The following LAT variants were observed in gnomAD, a reference collection of about 807,000 sequenced individuals.
The protein encoded by LAT is linker for activation of T cells.
LAT carries 12 observed loss-of-function variants against 39.1 expected under a neutral mutation model. That is an observed-to-expected ratio of 0.31 (90% CI 0.20 to 0.50). The LOEUF (loss-of-function observed/expected upper bound fraction) is 0.50, where lower values mean the gene tolerates loss of function less well. LAT is among the 20% of genes least tolerant of loss of function. The pLI is 0.98. For missense variants in LAT, 253 were observed against 308.0 expected (o/e 0.82, Z 1.34); for synonymous variants, 117 against 123.8 (o/e 0.95, Z 0.36).
intron 8 of LAT, chr16:28,989,123 T>A (rs992667141): frequency 1.6e-5 from 2 of 127,086 alleles, no homozygotes; most frequent in Non-Finnish European, 3.0e-5. Flanking sequence ...GGGATGGGGG[T>A]CGGGGGGAGG....
chr16:28,984,956 C>T (rs1965706672), upstream of LAT: 1 of 1,487,886 alleles, frequency 6.7e-7, no homozygotes, highest in Non-Finnish European at 8.9e-7. Context: ...TCCCGGGCCT[C>T]CTCCTGCCCC....
chr16:28,989,724 C>A, intron 9 of LAT, 50 bp from the exon 10 acceptor site: 3 of 1,607,502 alleles, frequency 1.9e-6, no homozygotes, highest in Non-Finnish European at 2.6e-6. Context: ...GCTCTCTCGC[C>A]CTCCTGACCC....
At position 28,986,291 on chromosome 16, in the gene LAT, C is replaced by T; in HGVS notation, c.245+75C>T. On this transcript the variant is annotated intron_variant, in intron 4 of 11. Transcript: ENST00000395456. This position sits in a 1 kb window ranked among gnomAD's most constrained non-coding sequence, Gnocchi z 5.7. ...CCAAACTCCACTCTCTACCCCTTCA[C>T]TTTTTTGGATTGGGGGCCCCTTTCC... 1 of 1,568,984 alleles carries T rather than the reference C, an allele frequency of 6.4e-7. No homozygotes were observed. Among genetic ancestry groups the T allele is most frequent in the South Asian group, 1.1e-5 (1 of 89,022 alleles).
In LAT at chr16:28,986,458, G is replaced by C; in HGVS notation, c.310+12G>C. ...GGATTCTGATGGTGGTAAGTGTGGGGAAGGGTTCAGGCGGCGGGGGCTGGG... is the reference window on the plus strand; with the variant it reads ...GGATTCTGATGGTGGTAAGTGTGGGCAAGGGTTCAGGCGGCGGGGGCTGGG... On this transcript the variant is annotated intron_variant, in intron 5 of 11. Coordinates refer to ENST00000395456, the MANE Select transcript of LAT (RefSeq NM_001014987.2). The surrounding 1 kb of genome is among the most constrained non-coding windows in gnomAD (Gnocchi z 5.7). 1.2e-6 allele frequency: 2 copies of C among 1,613,954 alleles called. No homozygotes were observed. The highest frequency in any genetic ancestry group is 1.7e-6 in the Non-Finnish European group (2 of 1,179,942).
At chr16:28,990,040 C>T in intron 11 of LAT, 21 bp downstream of exon 11, 2 of 1,591,234 alleles carry the variant, frequency 1.3e-6, no homozygotes, top group Non-Finnish European at 1.7e-6. Flanking sequence ...TGCCCTGTCC[C>T]CACCCTGCCC....
At chr16:28,989,265 C>T (rs1047589477) in intron 8 of LAT, 1 of 478,066 alleles carries the variant, frequency 2.1e-6, no homozygotes. Flanking sequence ...GTGAGCTCTC[C>T]TCAGTCCCAG....
Position 28,985,156 on chromosome 16 carries a change from A to G in LAT, c.-262A>G, listed in dbSNP as rs1015886040. 1.1e-4 allele frequency: 152 copies of G among 1,425,952 alleles called. 1 individual carries two copies. The African/African-American group carries it at 2.1e-3, about 20-fold the overall frequency. The allele number at this position is 1,425,952 out of a possible 1,614,324, so 88.3% of individuals were successfully genotyped here. On this transcript the variant is annotated 5_prime_UTR_variant, in exon 1 of 12. Coordinates refer to ENST00000395456, the MANE Select transcript of LAT (RefSeq NM_001014987.2). This position sits in a 1 kb window ranked among gnomAD's most constrained non-coding sequence, Gnocchi z 4.6. ...AGGGGTAACTGGATCCCCCGACTTCAGCCCAGGCCCTGGTCTGACCACCCT... is the reference window on the plus strand; with the variant it reads ...AGGGGTAACTGGATCCCCCGACTTCGGCCCAGGCCCTGGTCTGACCACCCT...
At chr16:28,990,149 C>A (rs761347703) in intron 11 of LAT, 40 bp from the exon 12 acceptor site, 1 of 760,306 alleles carries the variant, frequency 1.3e-6, no homozygotes, top group Non-Finnish European at 2.3e-6. Flanking sequence ...ACCCCGTCAG[C>A]CTCCTGATCC....
rs767284445 is a variant in LAT, at chr16:28,985,679, CCT to C, written c.101-33_101-32del. On this transcript the variant is annotated intron_variant, in intron 1 of 11. Coordinates refer to ENST00000395456, the MANE Select transcript of LAT (RefSeq NM_001014987.2). This position sits in a 1 kb window ranked among gnomAD's most constrained non-coding sequence, Gnocchi z 4.6. ...CCAGCACCTTCTGCCCTAAGCACCC[CCT>C]GTTCCTGCCTCACCAGCCCTCTCTT... 1.9e-6 allele frequency: 3 copies of C among 1,613,628 alleles called. No individual in the cohort carries two copies. Among genetic ancestry groups the C allele is most frequent in the South Asian group, 2.2e-5 (2 of 91,068 alleles).
At position 28,985,582 on chromosome 16, in the gene LAT, C is replaced by T. The variant is rs1596766500; in HGVS notation, c.100+65C>T. 1 of 1,601,654 alleles carries T rather than the reference C, an allele frequency of 6.2e-7. No individual in the cohort carries two copies. Among genetic ancestry groups the T allele is most frequent in the Non-Finnish European group, 8.5e-7 (1 of 1,170,644 alleles). ...CACCGACGGGATCCTCATCCACTCC[C>T]AGCCCCTGTGTCTGTCCTGGCTCTG... On this transcript the variant is annotated intron_variant, in intron 1 of 11. Transcript: ENST00000395456. This position sits in a 1 kb window ranked among gnomAD's most constrained non-coding sequence, Gnocchi z 4.6.
chr16:28,989,377 C>T (rs1035661540), intron 8 of LAT, 150 bp from the exon 9 acceptor site: 2 of 668,192 alleles, frequency 3.0e-6, no homozygotes, highest in African/African-American at 3.6e-5. Context: ...CCCCTCTCTT[C>T]ATTCTGTGGG....
In LAT at chr16:28,989,031, C is replaced by T. The variant is rs998090912; in HGVS notation, c.494-496C>T. Reference sequence around the variant, plus strand: ...AAAAACAAAAACAAACAAAAAGCTCCCAAATAACATGGATGGTGACAGGCG... The same window carrying T: ...AAAAACAAAAACAAACAAAAAGCTCTCAAATAACATGGATGGTGACAGGCG... On this transcript the variant is annotated intron_variant, in intron 8 of 11. Coordinates refer to ENST00000395456, the MANE Select transcript of LAT (RefSeq NM_001014987.2). The T allele has an allele frequency of 3.2e-5, 5 of 155,076 alleles. 1 individual carries two copies. Among genetic ancestry groups the T allele is most frequent in the Admixed American group, 1.3e-4 (2 of 15,372 alleles). The allele number at this position is 155,076 out of a possible 1,614,324, so 9.6% of individuals were successfully genotyped here.
chr16:28,985,343 C>T lies in LAT; in HGVS notation c.-75C>T, dbSNP rs2141683489. ...CTCCCTGCCGGGTCCGGTCCTCACC[C>T]CATCTTCATCTGGCCTTGACTCTGC... On this transcript the variant is annotated 5_prime_UTR_variant, in exon 1 of 12. Coordinates refer to ENST00000395456, the MANE Select transcript of LAT (RefSeq NM_001014987.2). This position sits in a 1 kb window ranked among gnomAD's most constrained non-coding sequence, Gnocchi z 4.6. The T allele has an allele frequency of 6.3e-7, 1 of 1,595,866 alleles. No homozygotes were observed. Among genetic ancestry groups the T allele is most frequent in the Non-Finnish European group, 8.5e-7 (1 of 1,170,946 alleles).
In LAT at chr16:28,986,915, A is replaced by ATTTTTAAATTT. The variant is rs746277119; in HGVS notation, c.493+27_493+37dup. On this transcript the variant is annotated intron_variant, in intron 8 of 11. Transcript: ENST00000395456. This position sits in a 1 kb window ranked among gnomAD's most constrained non-coding sequence, Gnocchi z 5.7. ...TCCAGTGAGTCAGGCATTTGTTTTT[A>ATTTTTAAATTT]TTTTTAAATTTTTTTAGGGATAGGC... The ATTTTTAAATTT allele has an allele frequency of 6.2e-7, 1 of 1,603,462 alleles. No homozygotes were observed. Among genetic ancestry groups the ATTTTTAAATTT allele is most frequent in the Non-Finnish European group, 8.5e-7 (1 of 1,173,240 alleles).
At position 28,985,716 on chromosome 16, in the gene LAT, C is replaced by G; in HGVS notation, c.104C>G (p.Ser35Cys). 1 of 1,613,978 alleles carries G rather than the reference C, an allele frequency of 6.2e-7. No individual in the cohort carries two copies. The highest frequency in any genetic ancestry group is 2.2e-5 in the East Asian group (1 of 44,878). The change falls in exon 2 of 12, where the codon TCC becomes TGC. Residue 35 changes from serine to cysteine, a missense_variant. Physicochemically the swap from Ser to Cys is moderately radical, Grantham distance 112 (BLOSUM62 -1). Transcript: ENST00000395456. The surrounding 1 kb of genome is among the most constrained non-coding windows in gnomAD (Gnocchi z 4.6). ...TCACCAGCCCTCTCTTTCCCAGGCT[C>G]CTACGACAGCACATCCTCAGATAGG... Reference protein sequence around the residue: ...LCVHCHRLPGSYDSTSSDSLY... With the variant: ...LCVHCHRLPGCYDSTSSDSLY...
rs1313284713 is a variant in LAT at position 28,989,783 on chromosome 16, G to T, written c.566G>T (p.Arg189Leu). ...ESAEASLDGS[R>L]EYVNVSQELH... is the part of the protein sequence containing the mutation. ...TGATCTGTCCCCACAGATGGCAGCC[G>T]GGAGTATGTGAATGTGTCCCAGGAA... Residue 189 changes from arginine (R) to leucine (L), a missense_variant, in exon 10 of 12, where the codon CGG becomes CTG. Physicochemically the swap from Arg to Leu is moderately radical, Grantham distance 102 (BLOSUM62 -2). Coordinates refer to ENST00000395456, the MANE Select transcript of LAT (RefSeq NM_001014987.2). 6 of 1,614,008 alleles carry T rather than the reference G, an allele frequency of 3.7e-6. No homozygotes were observed. The highest frequency in any genetic ancestry group is 2.7e-5 in the African/African-American group (2 of 74,922).
rs1326185052 is a variant in LAT, at chr16:28,990,205, C to A, written c.*24C>A. On this transcript the variant is annotated 3_prime_UTR_variant, in exon 12 of 12. Coordinates refer to ENST00000395456, the MANE Select transcript of LAT (RefSeq NM_001014987.2). ...GTGTTTCAGTGGAGGCCGAGTCTGT[C>A]CTGGAACCAGGCTTGCCTGGGACGG... The A allele has an allele frequency of 2.8e-6, 2 of 710,352 alleles. No individual in the cohort carries two copies. The highest frequency in any genetic ancestry group is 4.0e-5 in the Admixed American group (2 of 49,828). 44.0% of individuals were successfully genotyped at this position (710,352 alleles called of 1,614,324 possible). A position where few individuals can be genotyped will look rare whatever the true frequency, so the allele number is the denominator to read the frequency against.
chr16:28,984,844 C>T, upstream of LAT: 1 of 1,550,216 alleles, frequency 6.5e-7, no homozygotes, highest in South Asian at 1.2e-5. Context: ...CTGCTCGCTG[C>T]CTCCCCGGGT....
chr16:28,989,888 G>C (rs755773671), intron 10 of LAT, 45 bp from the exon 11 acceptor site: 18 of 1,613,694 alleles, frequency 1.1e-5, no homozygotes, highest in East Asian at 6.7e-5. Flanking sequence ...TTTGGGCTTG[G>C]GGGGATAGCT....
Sources: gnomAD v4.1 joint callset for allele counts on GRCh38, gnomAD v4.1.1 for gene constraint, Gnocchi (gnomAD v3.1) non-coding constraint, MANE v1.5 for transcripts, NCBI Gene and HGNC (gene_info 2026-07-23, HGNC 2026-07-21) for gene names.